Variants in LAS1L observed in about 807,000 individuals in gnomAD.
The protein encoded by LAS1L is LAS1 like ribosome biogenesis factor, also known as ribosomal biogenesis protein LAS1L.
A neutral mutation model predicts 57.3 loss-of-function variants in LAS1L; 5 were observed. The ratio of observed to expected loss-of-function variants is 0.09; its 90% confidence interval spans 0.05 to 0.18. The LOEUF is 0.18. LAS1L is among the 10% of genes least tolerant of loss of function. The pLI is 1.00. For missense variants in LAS1L, 360 were observed against 568.3 expected (o/e 0.63, Z 3.73); for synonymous variants, 245 against 231.7 (o/e 1.06, Z -0.52).
At chrX:65,528,156 T>G in intron 7 of LAS1L, 104 bp downstream of exon 7, 1 of 507,735 alleles carries the variant, frequency 2.0e-6, no homozygotes, top group Non-Finnish European at 3.4e-6. Flanking sequence ...CCCTGGGATT[T>G]TGTACAGCAG....
At chrX:65,521,281 G>A in intron 11 of LAS1L, 2 of 754,177 alleles carry the variant, frequency 2.7e-6, no homozygotes, top group Non-Finnish European at 3.1e-6. Flanking sequence ...TCCCACCAAG[G>A]ACAGCACTGC....
At position 65,531,364 on chromosome X, in the gene LAS1L, G is replaced by A; in HGVS notation, c.507C>T (p.Cys169=). 8.3e-7 allele frequency: 1 copy of A among 1,202,668 alleles called. No homozygotes were observed. The highest frequency in any genetic ancestry group is 1.1e-6 in the Non-Finnish European group (1 of 887,524). The stretch of plus-strand genomic sequence containing the variant: ...TAACCTCTGAGGACTCACCTCTGCG[G>A]CAGTCATTTATATGGGGCATTTTCT... ...THKKMPHIND[C]RRGCYFVLDW... The change falls in exon 4 of 14, where the codon TGC becomes TGT. Residue 169 remains cysteine (C), a synonymous_variant. Transcript: ENST00000374811.
intron 7 of LAS1L, among the ~76,000 whole-genome samples, chrX:65,526,189 C>T (rs1269311801): frequency 8.9e-6 from 1 of 111,999 alleles, no homozygotes; most frequent in Non-Finnish European, 1.9e-5. Flanking sequence ...GCTTCTCATA[C>T]AGGATACAGA....
At chrX:65,530,416 C>T (rs1289534991) in intron 4 of LAS1L, among the ~76,000 whole-genome samples, 3 of 111,267 alleles carry the variant, frequency 2.7e-5, no homozygotes, top group Admixed American at 9.6e-5. Context: ...CTGTGGTTCA[C>T]GCCTATAATC....
At chrX:65,530,579 C>T (rs925528138) in intron 4 of LAS1L, among the ~76,000 whole-genome samples, 6 of 108,574 alleles carry the variant, frequency 5.5e-5, no homozygotes, top group Middle Eastern at 4.6e-3. Flanking sequence ...GAGGCTGAGG[C>T]GGGCAGATCA....
intron 7 of LAS1L, 135 bp from the exon 8 acceptor site, chrX:65,525,185 G>T: frequency 2.1e-6 from 1 of 484,810 alleles, no homozygotes; most frequent in Non-Finnish European, 3.6e-6. Context: ...GGTGGTGGGT[G>T]GGTAGGAGTG....
chrX:65,521,208 G>A, intron 11 of LAS1L: 2 of 752,044 alleles, frequency 2.7e-6, no homozygotes, highest in Non-Finnish European at 3.1e-6. Flanking sequence ...AGGGGGATCA[G>A]GGACTAAGAG....
chrX:65,529,124 C>T (rs756112822), intron 6 of LAS1L, 88 bp downstream of exon 6: 109 of 774,060 alleles, frequency 1.4e-4, no homozygotes, highest in South Asian at 3.0e-4. Context: ...TTTCAAATTC[C>T]TTCTCAAGAC....
chrX:65,528,170 T>C, intron 7 of LAS1L, 90 bp downstream of exon 7: 1 of 551,661 alleles, frequency 1.8e-6, no homozygotes, highest in Non-Finnish European at 3.1e-6. Context: ...ACAGCAGAGG[T>C]TGGCAAGCTA....
intron 12 of LAS1L, among the ~76,000 whole-genome samples, chrX:65,516,409 A>G (rs983060058): frequency 7.2e-5 from 8 of 110,746 alleles, no homozygotes; most frequent in African/African-American, 2.3e-4. Context: ...ACCCTTGTAC[A>G]TGTCCCCAGT....
intron 10 of LAS1L, 141 bp downstream of exon 10, chrX:65,523,915 C>T (rs967687047): frequency 1.8e-5 from 13 of 713,154 alleles, no homozygotes; most frequent in Non-Finnish European, 2.5e-5. Context: ...TCCACTGCTG[C>T]CGTGGGGCCC....
chrX:65,530,111 G>A (rs1403286477), intron 4 of LAS1L, among the ~76,000 whole-genome samples: 2 of 112,775 alleles, frequency 1.8e-5, no homozygotes, highest in East Asian at 2.8e-4. Flanking sequence ...ACTTAGAGAC[G>A]AGATGCCAAA....
At chrX:65,515,758 T>A (rs1331756698) in intron 12 of LAS1L, among the ~76,000 whole-genome samples, 1 of 111,076 alleles carries the variant, frequency 9.0e-6, no homozygotes, top group Non-Finnish European at 1.9e-5. Flanking sequence ...ACACCCCTCA[T>A]TCACTGGCAT....
chrX:65,529,473 T>G, intron 5 of LAS1L, 121 bp downstream of exon 5: 1 of 868,818 alleles, frequency 1.2e-6, no homozygotes, highest in Non-Finnish European at 1.6e-6. Flanking sequence ...GACAGTAATT[T>G]TTTAAGCTAA....
intron 2 of LAS1L, 65 bp from the exon 3 acceptor site, chrX:65,532,695 A>G (rs925843504): frequency 1.3e-6 from 1 of 787,650 alleles, no homozygotes; most frequent in Non-Finnish European, 1.9e-6. Flanking sequence ...CACTTTGCTG[A>G]GTTACTGAAA....
intron 13 of LAS1L, among the ~76,000 whole-genome samples, chrX:65,514,534 GCACACACACACACACACA>G (rs56718186): frequency 1.1e-5 from 1 of 88,835 alleles, no homozygotes; most frequent in Non-Finnish European, 2.2e-5. Context: ...GTGTGTGCCT[GCACACACACACACACACA>G]CACACACACA....
intron 9 of LAS1L, 62 bp from the exon 10 acceptor site, chrX:65,524,324 AAG>A (rs2069014568): frequency 3.5e-6 from 3 of 864,426 alleles, no homozygotes; most frequent in Non-Finnish European, 5.0e-6. Context: ...GAGAGCACGA[AAG>A]AGAGAGCAAG....
chrX:65,529,272 G>A lies in LAS1L; in HGVS notation c.800-14C>T. Reference sequence around the variant, plus strand: ...CTCGGGCTCTTTCTGAAAACAGAATGGGGAGACAGATAGGACTGCCAGCCC... The same window carrying A: ...CTCGGGCTCTTTCTGAAAACAGAATAGGGAGACAGATAGGACTGCCAGCCC... On this transcript the variant is annotated splice_polypyrimidine_tract_variant and intron_variant, in intron 5 of 13. Transcript: ENST00000374811. The A allele has an allele frequency of 5.9e-6, 7 of 1,194,384 alleles. No homozygotes were observed. The highest frequency in any genetic ancestry group is 2.2e-5 in the Admixed American group (1 of 45,841).
chrX:65,518,724 A>C (rs760198340), intron 11 of LAS1L: 1 of 600,786 alleles, frequency 1.7e-6, no homozygotes, highest in South Asian at 8.6e-5. Context: ...TGGGAGGAGT[A>C]AATAAGAAAG....
Sources: allele counts gnomAD v4.1 joint callset (sites outside exome capture counted in the v4.1 genomes callset), GRCh38; gene constraint gnomAD v4.1.1; transcripts MANE v1.5; gene names NCBI Gene and HGNC (gene_info 2026-07-23, HGNC 2026-07-21).